Variants in EYA4 observed in about 807,000 individuals in gnomAD.
The protein encoded by EYA4 is EYA transcriptional coactivator and phosphatase 4.
A neutral mutation model predicts 87.9 loss-of-function variants in EYA4; 31 were observed. That is an observed-to-expected ratio of 0.35 (90% CI 0.27 to 0.48). The LOEUF (loss-of-function observed/expected upper bound fraction) is 0.48. EYA4 is among the 20% of genes least tolerant of loss of function. EYA4 has a pLI of 0.99. For missense variants in EYA4, 678 were observed against 761.4 expected, an observed-to-expected ratio of 0.89 and a Z score of 1.29; for synonymous variants, 263 against 270.6, an observed-to-expected ratio of 0.97 and a Z score of 0.28.
intron 17 of EYA4, among the ~76,000 whole-genome samples, chr6:133,517,856 T>C (rs1409891885): frequency 6.6e-6 from 1 of 152,204 alleles, no homozygotes; most frequent in Non-Finnish European, 1.5e-5. Context: ...AGAAGAGTCA[T>C]GTGCAGAACC....
intron 1 of EYA4, among the ~76,000 whole-genome samples, chr6:133,272,137 G>T (rs1242252773): frequency 6.6e-6 from 1 of 152,196 alleles, no homozygotes; most frequent in East Asian, 1.9e-4. Context: ...TTTCCCTTCA[G>T]CGCTGTCCTT....
At chr6:133,319,687 A>G (rs1582944331) in intron 2 of EYA4, among the ~76,000 whole-genome samples, 1 of 149,242 alleles carries the variant, frequency 6.7e-6, no homozygotes, top group Admixed American at 6.7e-5. Context: ...TATGCAGAAT[A>G]TGTTTTACTT....
intron 3 of EYA4, 91 bp downstream of exon 3, chr6:133,382,532 T>G (rs1786313670): frequency 2.2e-6 from 2 of 895,150 alleles, no homozygotes; most frequent in South Asian, 2.6e-5. Context: ...AATTGTGATT[T>G]GAAACATTGA....
intron 13 of EYA4, among the ~76,000 whole-genome samples, chr6:133,493,378 T>G (rs1797356409): frequency 6.6e-6 from 1 of 152,178 alleles, no homozygotes; most frequent in Admixed American, 6.5e-5. Flanking sequence ...GATGCTGGGA[T>G]AATGGAGATC....
chr6:133,531,199 C>T lies in EYA4; in HGVS notation c.*2394C>T, dbSNP rs1360410036. 5.2e-6 allele frequency: 8 copies of T among 1,534,910 alleles called. No homozygotes were observed. Among genetic ancestry groups the T allele is most frequent in the Non-Finnish European group, 7.0e-6 (8 of 1,146,752 alleles). On this transcript the variant is annotated 3_prime_UTR_variant, in exon 20 of 20. Transcript: ENST00000355286. ...CTCACACACATCTCTTTTTCTGATT[C>T]TGTGTTCAGAAGAGGCTGCCGGCAT...
At position 133,305,515 on chromosome 6, in the gene EYA4, C is replaced by T. The variant is rs570390588; in HGVS notation, c.33+30702C>T. 1.3e-3 allele frequency among the ~76,000 whole-genome samples: 199 copies of T among 152,260 alleles called. 2 individuals are homozygous for T. The highest frequency in any genetic ancestry group is 6.6e-3 in the Admixed American group (101 of 15,290). ...TAAGGAATTAATAAATGTCAGCTAG[C>T]GTTTGACTGTTAAAGCTTCTATCTA... On this transcript the variant is annotated intron_variant, in intron 2 of 19. Transcript: ENST00000355286.
intron 3 of EYA4, among the ~76,000 whole-genome samples, chr6:133,402,034 C>T (rs952461543): frequency 6.6e-6 from 1 of 152,100 alleles, no homozygotes; most frequent in African/African-American, 2.4e-5. Context: ...AGTTGCCCAC[C>T]AGCTGTTTCT....
intron 1 of EYA4, among the ~76,000 whole-genome samples, chr6:133,258,103 C>T (rs984432422): frequency 2.6e-5 from 4 of 152,166 alleles, no homozygotes; most frequent in African/African-American, 9.7e-5. Flanking sequence ...ATAGCAGTGT[C>T]TATGGGCAGC....
chr6:133,242,876 A>G (rs1423136008), intron 1 of EYA4, among the ~76,000 whole-genome samples: 1 of 151,888 alleles, frequency 6.6e-6, no homozygotes, highest in East Asian at 1.9e-4. Flanking sequence ...CTGGGGTGAG[A>G]GTGTGTGCGG....
rs762726614 is a variant in EYA4 at position 133,462,764 on chromosome 6, G to A, written c.724G>A (p.Gly242Ser). The change falls in exon 9 of 20, where the codon GGT (glycine) becomes AGT (serine). Residue 242 changes from glycine (G) to serine (S), a missense_variant and splice_region_variant. Transcript: ENST00000355286. Reference sequence around the variant, plus strand: ...GACACCTTATTCTTACCAAATGCCAGGTAAGTAGCTACACATGAAACATGT... The same window carrying A: ...GACACCTTATTCTTACCAAATGCCAAGTAAGTAGCTACACATGAAACATGT... ...GQTPYSYQMP[G>S]SSFAPSSTIY... 4 of 1,613,518 alleles carry A rather than the reference G, an allele frequency of 2.5e-6. No individual in the cohort carries two copies. The highest frequency in any genetic ancestry group is 3.4e-6 in the Non-Finnish European group (4 of 1,179,730).
chr6:133,430,327 G>A (rs1318344797), intron 3 of EYA4, among the ~76,000 whole-genome samples: 1 of 152,146 alleles, frequency 6.6e-6, no homozygotes, highest in Non-Finnish European at 1.5e-5. Flanking sequence ...CAATACATTT[G>A]GGGGAAACAG....
chr6:133,448,270 C>A, intron 5 of EYA4, 91 bp downstream of exon 5: 1 of 957,082 alleles, frequency 1.0e-6, no homozygotes, highest in South Asian at 1.3e-5. Context: ...GTTTGCATCT[C>A]TTTTCTGTGT....
chr6:133,329,029 T>G (rs17062358), intron 2 of EYA4, among the ~76,000 whole-genome samples: 2,204 of 152,256 alleles, frequency 0.014, 56 homozygotes, highest in African/African-American at 0.049. Context: ...TTAAAACTTT[T>G]AAGCAGAAGC....
At chr6:133,518,213 T>C (rs762807829) in intron 17 of EYA4, among the ~76,000 whole-genome samples, 4 of 151,746 alleles carry the variant, frequency 2.6e-5, no homozygotes, top group African/African-American at 4.8e-5. Context: ...AAAAAGATGA[T>C]TACATTATTA....
At chr6:133,525,978 C>T (rs1293738430) in intron 19 of EYA4, 3 of 930,664 alleles carry the variant, frequency 3.2e-6, no homozygotes, top group African/African-American at 1.8e-5. Context: ...AAGCAGCTGG[C>T]TTTGAACACA....
intron 2 of EYA4, among the ~76,000 whole-genome samples, chr6:133,340,831 G>A (rs76457100): frequency 1.3e-3 from 199 of 152,164 alleles, no homozygotes; most frequent in Non-Finnish European, 2.4e-3. Flanking sequence ...CTAACTTTTC[G>A]AAAGAGTCCC....
intron 6 of EYA4, 119 bp downstream of exon 6, chr6:133,456,767 A>C (rs552932721): frequency 3.6e-5 from 25 of 688,234 alleles, no homozygotes; most frequent in African/African-American, 3.4e-4. Context: ...ATAAAGTTAG[A>C]AACAAATTCT....
intron 2 of EYA4, among the ~76,000 whole-genome samples, chr6:133,339,886 C>A (rs1782654924): frequency 6.6e-6 from 1 of 152,118 alleles, no homozygotes; most frequent in South Asian, 2.1e-4. Context: ...GCTTACAAGG[C>A]AGAAATGCTT....
chr6:133,283,226 G>A (rs1003412774), intron 2 of EYA4, among the ~76,000 whole-genome samples: 5 of 151,866 alleles, frequency 3.3e-5, no homozygotes, highest in African/African-American at 1.2e-4. Context: ...CCCGGGAAGC[G>A]GAGGTTGCAG....
Sources: gnomAD v4.1 joint callset for allele counts (sites outside exome capture counted in the v4.1 genomes callset) on GRCh38, gnomAD v4.1.1 for gene constraint, MANE v1.5 for transcripts, NCBI Gene and HGNC (gene_info 2026-07-23, HGNC 2026-07-21) for gene names.